RTN1: variants seen among roughly 807,000 people sequenced by gnomAD.
RTN1 encodes the protein reticulon-1.
In RTN1, 25 loss-of-function variants were observed where a neutral mutation model predicts 65.5. The observed-to-expected ratio is 0.38, with a 90% CI of 0.28 to 0.53. The LOEUF (loss-of-function observed/expected upper bound fraction) is 0.53, where lower values mean the gene tolerates loss of function less well. Ranked by LOEUF, RTN1 falls within the 20% of genes least tolerant of loss-of-function variation. The pLI, the probability that RTN1 is intolerant of heterozygous loss-of-function variation, is 0.79. For missense variants in RTN1, 983 were observed against 1,025.4 expected (o/e 0.96, Z 0.57); for synonymous variants, 471 against 447.6 (o/e 1.05, Z -0.66).
At chr14:59,735,939 T>A (rs1884993036) in intron 2 of RTN1, among the ~76,000 whole-genome samples, 1 of 152,174 alleles carries the variant, frequency 6.6e-6, no homozygotes, top group South Asian at 2.1e-4. Flanking sequence ...CTCCTGAATC[T>A]CTTGGGTAAA....
chr14:59,735,243 A>G (rs1310523569), intron 2 of RTN1, among the ~76,000 whole-genome samples: 1 of 152,240 alleles, frequency 6.6e-6, no homozygotes, highest in Non-Finnish European at 1.5e-5. Flanking sequence ...GGAAACACTG[A>G]ATATGGAAAG....
chr14:59,727,202 G>T lies in RTN1; in HGVS notation c.1482C>A (p.Ala494=). Residue 494 remains alanine (A), a synonymous_variant, in exon 3 of 9, where the codon GCC becomes GCA. Coordinates refer to ENST00000267484, the MANE Select transcript of RTN1 (RefSeq NM_021136.3). This position sits in a 1 kb window ranked among gnomAD's most constrained non-coding sequence, Gnocchi z 4.2. ...EQDSPPMKPS[A]LDAIREETGV... ...CAGTCTCCTCCCGGATGGCATCCAGGGCGCTGGGCTTCATCGGGGGTGAGT... is the reference window on the plus strand; with the variant it reads ...CAGTCTCCTCCCGGATGGCATCCAGTGCGCTGGGCTTCATCGGGGGTGAGT... The T allele has an allele frequency of 6.3e-7, 1 of 1,579,702 alleles. No homozygotes were observed.
chr14:59,755,160 T>C (rs757665649), intron 1 of RTN1, among the ~76,000 whole-genome samples: 1 of 151,726 alleles, frequency 6.6e-6, no homozygotes, highest in Non-Finnish European at 1.5e-5. Flanking sequence ...AATGGAGACA[T>C]AGAAAATGCC....
chr14:59,603,910 C>T lies in RTN1; in HGVS notation c.2124G>A (p.Leu708=). The change falls in exon 6 of 9, where the codon CTG becomes CTA. Residue 708 remains leucine, a synonymous_variant. Coordinates refer to ENST00000267484, the MANE Select transcript of RTN1 (RefSeq NM_021136.3). The part of the protein sequence containing the change: ...DLVDSLKFAV[L]MWLLTYVGAL... ...CGCCAACGTAGGTCAGGAGCCACAT[C>T]AGGACTGCAAACTGAAGAACGAAAG... 1 of 1,611,546 alleles carries T rather than the reference C, an allele frequency of 6.2e-7. No homozygotes were observed. The highest frequency in any genetic ancestry group is 8.5e-7 in the Non-Finnish European group (1 of 1,178,104).
At chr14:59,780,217 CGGTGCCACAAAG>C (rs1176786385) in intron 1 of RTN1, among the ~76,000 whole-genome samples, 2 of 152,110 alleles carry the variant, frequency 1.3e-5, no homozygotes, top group African/African-American at 4.8e-5. Context: ...GACATATTTT[CGGTGCCACAAAG>C]GGTAGAGAGG....
At chr14:59,636,726 A>C (rs1330458496) in intron 3 of RTN1, among the ~76,000 whole-genome samples, 1 of 152,214 alleles carries the variant, frequency 6.6e-6, no homozygotes, top group Admixed American at 6.5e-5. Flanking sequence ...TATTGCAATA[A>C]AGTGAGTCAC....
intron 3 of RTN1, among the ~76,000 whole-genome samples, chr14:59,662,941 A>G (rs1241553263): frequency 1.3e-5 from 2 of 152,180 alleles, no homozygotes; most frequent in Non-Finnish European, 2.9e-5. Flanking sequence ...AGAGCCTAAA[A>G]AGAGCCCATA....
intron 1 of RTN1, among the ~76,000 whole-genome samples, chr14:59,747,438 C>T (rs146765613): frequency 3.1e-4 from 47 of 152,250 alleles, no homozygotes; most frequent in Middle Eastern, 3.4e-3. Context: ...GGAGAAACTC[C>T]GTCTCTACTA....
At chr14:59,708,622 G>A (rs1884350873) in intron 3 of RTN1, among the ~76,000 whole-genome samples, 1 of 152,124 alleles carries the variant, frequency 6.6e-6, no homozygotes, top group African/African-American at 2.4e-5. Context: ...ACACTCCCAA[G>A]GTTTGTAAGC....
chr14:59,703,558 A>G (rs1594688214), intron 3 of RTN1, among the ~76,000 whole-genome samples: 1 of 152,202 alleles, frequency 6.6e-6, no homozygotes, highest in Non-Finnish European at 1.5e-5. Flanking sequence ...ATGAGTCAAT[A>G]AAACCTCTTT....
At chr14:59,685,015 G>A (rs535020107) in intron 3 of RTN1, among the ~76,000 whole-genome samples, 3 of 152,134 alleles carry the variant, frequency 2.0e-5, no homozygotes, top group African/African-American at 4.8e-5. Flanking sequence ...ATGCAAGAAC[G>A]GTTCAACATA....
intron 3 of RTN1, among the ~76,000 whole-genome samples, chr14:59,703,224 G>A (rs72716155): frequency 0.032 from 4,933 of 152,044 alleles, 118 homozygotes; most frequent in Non-Finnish European, 0.05. Context: ...ATATGATATC[G>A]TTTGGGTATT....
intron 3 of RTN1, among the ~76,000 whole-genome samples, chr14:59,675,280 G>A (rs1202317671): frequency 6.6e-6 from 1 of 152,114 alleles, no homozygotes; most frequent in East Asian, 1.9e-4. Flanking sequence ...GGGGGTGAAG[G>A]CAGGAAAGAG....
chr14:59,706,350 TC>T (rs1049173412), intron 3 of RTN1, among the ~76,000 whole-genome samples: 4 of 151,620 alleles, frequency 2.6e-5, no homozygotes, highest in Admixed American at 2.6e-4. Flanking sequence ...ACTTTACATC[TC>T]CCCTAGGAAA....
At chr14:59,613,488 T>C (rs890789472) in intron 3 of RTN1, among the ~76,000 whole-genome samples, 11 of 152,054 alleles carry the variant, frequency 7.2e-5, no homozygotes, top group African/African-American at 2.7e-4. Context: ...GTAGTAGAGA[T>C]GGGTTTTCAC....
At chr14:59,605,640 C>A in intron 4 of RTN1, 134 bp from the exon 5 acceptor site, 2 of 874,752 alleles carry the variant, frequency 2.3e-6, no homozygotes, top group South Asian at 1.7e-5. Context: ...GGGGGTTATG[C>A]CAGCCAGTGA....
intron 3 of RTN1, among the ~76,000 whole-genome samples, chr14:59,709,539 G>A (rs982911053): frequency 2.0e-5 from 3 of 152,176 alleles, no homozygotes; most frequent in Admixed American, 1.3e-4. Context: ...TAGAAAGCAC[G>A]TCAATGGTGG....
intron 2 of RTN1, among the ~76,000 whole-genome samples, chr14:59,744,594 TC>T (rs1339753448): frequency 2.0e-5 from 3 of 152,184 alleles, no homozygotes; most frequent in Non-Finnish European, 4.4e-5. Flanking sequence ...ATGAAGTACA[TC>T]TTTTGGTTTC....
At chr14:59,823,829 T>C (rs2139631867) in intron 1 of RTN1, among the ~76,000 whole-genome samples, 1 of 152,346 alleles carries the variant, frequency 6.6e-6, no homozygotes, top group Non-Finnish European at 1.5e-5. Flanking sequence ...GTTGGGGAAA[T>C]TTTGGTGGAC....
Sources: allele counts gnomAD v4.1 joint callset (sites outside exome capture counted in the v4.1 genomes callset), GRCh38; gene constraint gnomAD v4.1.1; non-coding constraint Gnocchi (gnomAD v3.1); transcripts MANE v1.5; gene names NCBI Gene and HGNC (gene_info 2026-07-23, HGNC 2026-07-21).